Variants in FNBP4 observed in about 807,000 individuals in gnomAD.
FNBP4 encodes the protein formin binding protein 4.
Under a neutral mutation model 119.3 loss-of-function variants are expected in FNBP4, and 34 were observed. The ratio of observed to expected loss-of-function variants is 0.28; its 90% CI spans 0.22 to 0.38. The LOEUF (loss-of-function observed/expected upper bound fraction) is 0.38, where lower values mean the gene tolerates loss of function less well. Among genes scored for constraint, FNBP4 ranks in the 10% least tolerant of loss-of-function variants. The probability of loss-of-function intolerance (pLI) is 1.00; values close to 1 mark genes in which losing one functional copy is unlikely to be tolerated. For synonymous variants in FNBP4, 462 were observed against 430.6 expected (o/e 1.07, Z -0.90); for missense variants, 1,112 against 1,228.9 (o/e 0.90, Z 1.42).
chr11:47,736,277 C>T (rs1192342019), intron 9 of FNBP4, among the ~76,000 whole-genome samples: 5 of 146,302 alleles, frequency 3.4e-5, no homozygotes, highest in African/African-American at 1.0e-4. Flanking sequence ...ATTTGGCGGG[C>T]CGGGCGCAGT....
chr11:47,766,832 C>T (rs1411151709), intron 1 of FNBP4, among the ~76,000 whole-genome samples: 3 of 152,198 alleles, frequency 2.0e-5, no homozygotes, highest in Non-Finnish European at 4.4e-5. Context: ...TTCAAACGTT[C>T]CCGGGGCAAG....
chr11:47,732,010 A>T lies in FNBP4; in HGVS notation c.1821-449T>A. On this transcript the variant is annotated intron_variant, in intron 11 of 16. Coordinates refer to ENST00000263773, the MANE Select transcript of FNBP4 (RefSeq NM_015308.5). This position sits in a 1 kb window ranked among gnomAD's most constrained non-coding sequence, Gnocchi z 4.2. Reference sequence around the variant, plus strand: ...TTGATATCAAACACAGTGAAAGCTAAAGAGAGGGAGAGGATCTGGGAGCTG... The same window carrying T: ...TTGATATCAAACACAGTGAAAGCTATAGAGAGGGAGAGGATCTGGGAGCTG... 1 of 993,034 alleles carries T rather than the reference A, an allele frequency of 1.0e-6. No homozygotes were observed. Among genetic ancestry groups the T allele is most frequent in the East Asian group, 1.1e-4 (1 of 9,046 alleles). 61.5% of individuals were successfully genotyped at this position (993,034 alleles called of 1,614,324 possible). A position where few individuals can be genotyped will look rare whatever the true frequency, so the allele number is the denominator to read the frequency against.
At chr11:47,727,251 CT>C (rs56258205) in intron 12 of FNBP4, among the ~76,000 whole-genome samples, 265 of 137,892 alleles carry the variant, frequency 1.9e-3, no homozygotes, top group African/African-American at 4.3e-3. Flanking sequence ...TACTTTTCTT[CT>C]TTTTTTTTTT....
chr11:47,761,027 ACTCAAATG>A (rs1307436085), intron 2 of FNBP4, among the ~76,000 whole-genome samples: 1 of 152,092 alleles, frequency 6.6e-6, no homozygotes, highest in South Asian at 2.1e-4. Flanking sequence ...ATCTGTAAAC[ACTCAAATG>A]CTCTCAAACA....
chr11:47,767,303 C>A lies in FNBP4; in HGVS notation c.-15G>T, dbSNP rs2097649870. The A allele has an allele frequency of 2.0e-6, 3 of 1,488,698 alleles. No individual in the cohort carries two copies. The highest frequency in any genetic ancestry group is 2.6e-5 in the East Asian group (1 of 39,200). The allele number at this position is 1,488,698 out of a possible 1,614,324, so 92.2% of individuals were successfully genotyped here. A position where few individuals can be genotyped will look rare whatever the true frequency, so the allele number is the denominator to read the frequency against. Reference sequence around the variant, plus strand: ...TTCTTCCCCATCGCGAGCCCAAGCGCGAGCAGAGAGCGTCGGGCGGCCGAG... The same window carrying A: ...TTCTTCCCCATCGCGAGCCCAAGCGAGAGCAGAGAGCGTCGGGCGGCCGAG... On this transcript the variant is annotated 5_prime_UTR_variant, in exon 1 of 17. Coordinates refer to ENST00000263773, the MANE Select transcript of FNBP4 (RefSeq NM_015308.5).
chr11:47,729,525 T>G, intron 12 of FNBP4: 5 of 984,924 alleles, frequency 5.1e-6, no homozygotes, highest in Non-Finnish European at 6.0e-6. Flanking sequence ...ACTTTATTTT[T>G]GAGACAGGGT....
At chr11:47,741,190 G>A (rs2097581493) in intron 8 of FNBP4, among the ~76,000 whole-genome samples, 1 of 151,396 alleles carries the variant, frequency 6.6e-6, no homozygotes, top group African/African-American at 2.4e-5. Flanking sequence ...TTTCTTTTGA[G>A]GCAGGGTCTT....
rs2097559045 is a variant in FNBP4, at chr11:47,724,593, CAGG to C, written c.2191_2193del (p.Pro731del). On this transcript the variant is annotated inframe_deletion, in exon 13 of 17. Transcript: ENST00000263773. Reference sequence around the variant, plus strand: ...ACCTCCTGGATCTCACCATCTTCCGCAGGAGGAGGTGGTGGAGGAGGGGGTGGA... The same window carrying C: ...ACCTCCTGGATCTCACCATCTTCCGCAGGAGGTGGTGGAGGAGGGGGTGGA... The C allele has an allele frequency of 1.9e-6, 3 of 1,613,830 alleles. No homozygotes were observed. Among genetic ancestry groups the C allele is most frequent in the South Asian group, 1.1e-5 (1 of 91,078 alleles).
chr11:47,746,322 C>G lies in FNBP4; in HGVS notation c.979G>C (p.Ala327Pro). Reference protein sequence around the residue: ...EKKGVAASLLAPLLPEGIKEE... With the variant: ...EKKGVAASLLPPLLPEGIKEE... The stretch of plus-strand genomic sequence containing the variant: ...TTTATTCCCTCAGGCAATAAAGGAG[C>G]AAGCAGCGATGCTGCCACCCCTTTC... The change falls in exon 7 of 17, where the codon GCT becomes CCT. Residue 327 changes from alanine (A) to proline (P), a missense_variant. Transcript: ENST00000263773. The G allele has an allele frequency of 6.2e-7, 1 of 1,614,070 alleles. No individual in the cohort carries two copies. The highest frequency in any genetic ancestry group is 8.5e-7 in the Non-Finnish European group (1 of 1,180,030).
At chr11:47,766,031 C>G (rs2135306876) in intron 1 of FNBP4, among the ~76,000 whole-genome samples, 1 of 151,922 alleles carries the variant, frequency 6.6e-6, no homozygotes, top group East Asian at 1.9e-4. Flanking sequence ...AAGACTCTTA[C>G]CATGGTAAAT....
At position 47,742,214 on chromosome 11, in the gene FNBP4, C is replaced by T. The variant is rs1424988684; in HGVS notation, c.1456+1739G>A. On this transcript the variant is annotated intron_variant, in intron 8 of 16. Coordinates refer to ENST00000263773, the MANE Select transcript of FNBP4 (RefSeq NM_015308.5). ...AAATAGCTGGGCACAGCTGGGATTACATGCCTGTACTCCCACTGCTTTGGG... is the reference window on the plus strand; with the variant it reads ...AAATAGCTGGGCACAGCTGGGATTATATGCCTGTACTCCCACTGCTTTGGG... Among the ~76,000 whole-genome samples, 5 of 152,042 alleles carry T rather than the reference C, an allele frequency of 3.3e-5. No individual in the cohort carries two copies. The East Asian group carries it at 9.6e-4, about 29-fold the overall frequency.
intron 12 of FNBP4, 101 bp from the exon 13 acceptor site, chr11:47,724,879 A>G (rs2097559331): frequency 4.9e-6 from 7 of 1,438,430 alleles, no homozygotes; most frequent in Non-Finnish European, 6.4e-6. Context: ...CATTTATAGG[A>G]ACCTAGCACA....
chr11:47,722,969 A>T lies in FNBP4; in HGVS notation c.2805+7T>A. ...AATAAATTTTTAAAAAGGGAAATTT[A>T]TTATACCTTGTCTTTCCTTCCTTTT... is the stretch of plus-strand genomic sequence containing the variant. On this transcript the variant is annotated splice_region_variant and intron_variant, in intron 15 of 16. Transcript: ENST00000263773. 6.6e-7 allele frequency: 1 copy of T among 1,507,736 alleles called. No homozygotes were observed. The highest frequency in any genetic ancestry group is 2.4e-5 in the Admixed American group (1 of 41,406). 93.4% of individuals were successfully genotyped at this position (1,507,736 alleles called of 1,614,324 possible).
chr11:47,721,174 AG>A (rs2068711046), intron 15 of FNBP4, among the ~76,000 whole-genome samples: 1 of 150,282 alleles, frequency 6.7e-6, no homozygotes, highest in South Asian at 2.1e-4. Context: ...ACAAAACATA[AG>A]CCTGGCGTGG....
Position 47,751,211 on chromosome 11 carries a change from A to G in FNBP4, c.717T>C (p.Asn239=), listed in dbSNP as rs1311635728. ...GCYYYWNTQT[N]EVTWELPQYL... is the part of the protein sequence containing the mutation. ...ATTGGGGTAACTCCCAAGTCACTTC[A>G]TTTGTTTGTGTATTCCAATAATAAT... is the stretch of plus-strand genomic sequence containing the variant. The change falls in exon 5 of 17, where the codon AAT becomes AAC. Residue 239 remains asparagine (N), a synonymous_variant. Coordinates refer to ENST00000263773, the MANE Select transcript of FNBP4 (RefSeq NM_015308.5). The G allele has an allele frequency of 6.2e-7, 1 of 1,614,100 alleles. No homozygotes were observed. The highest frequency in any genetic ancestry group is 1.1e-5 in the South Asian group (1 of 91,082).
At chr11:47,722,914 T>C (rs2097557412) in intron 15 of FNBP4, 62 bp downstream of exon 15, 3 of 1,423,834 alleles carry the variant, frequency 2.1e-6, no homozygotes, top group Non-Finnish European at 1.8e-6. Context: ...TTTCATGTTA[T>C]GTGAATATAA....
intron 12 of FNBP4, among the ~76,000 whole-genome samples, chr11:47,728,657 C>CGGAA (rs1448796275): frequency 6.6e-6 from 1 of 152,016 alleles, no homozygotes; most frequent in Non-Finnish European, 1.5e-5. Flanking sequence ...CCACCTCAGC[C>CGGAA]TTCCAAGTAG....
chr11:47,744,257 ATTCT>A, intron 7 of FNBP4, 94 bp from the exon 8 acceptor site: 3 of 1,211,264 alleles, frequency 2.5e-6, no homozygotes, highest in Non-Finnish European at 3.5e-6. Context: ...TGAAATTTAA[ATTCT>A]TTGAGAACAG....
intron 13 of FNBP4, 74 bp from the exon 14 acceptor site, chr11:47,724,246 G>C: frequency 6.4e-7 from 1 of 1,569,684 alleles, no homozygotes; most frequent in Non-Finnish European, 8.7e-7. Context: ...TCCTTTTTTT[G>C]AGACAGGCTC....
Sources: gnomAD v4.1 joint callset for allele counts (sites outside exome capture counted in the v4.1 genomes callset) on GRCh38, gnomAD v4.1.1 for gene constraint, Gnocchi (gnomAD v3.1) non-coding constraint, MANE v1.5 for transcripts, NCBI Gene and HGNC (gene_info 2026-07-23, HGNC 2026-07-21) for gene names.